The following HMGA2 variants were observed in gnomAD, a reference collection of about 807,000 sequenced individuals.
The protein encoded by HMGA2 is high mobility group AT-hook 2.
HMGA2 carries 8 observed loss-of-function variants against 19.1 expected under a neutral mutation model. That is an observed-to-expected ratio of 0.42 (90% CI 0.25 to 0.76). HMGA2 has a LOEUF of 0.76. Ranked by LOEUF, HMGA2 falls within the 30% of genes least tolerant of loss-of-function variation. The pLI, the probability that HMGA2 is intolerant of heterozygous loss-of-function variation, is 0.28. For missense variants in HMGA2, 109 were observed against 136.3 expected (o/e 0.80, Z 1.00); for synonymous variants, 60 against 48.8 (o/e 1.23, Z -0.96).
At chr12:65,908,320 G>A (rs182390669) in intron 3 of HMGA2, among the ~76,000 whole-genome samples, 2 of 152,122 alleles carry the variant, frequency 1.3e-5, no homozygotes, top group East Asian at 1.9e-4. Context: ...TCCTTAGCTC[G>A]GCATATCTCA....
chr12:65,939,666 T>A (rs1347801983), intron 3 of HMGA2, among the ~76,000 whole-genome samples: 1 of 152,242 alleles, frequency 6.6e-6, no homozygotes, highest in East Asian at 1.9e-4. Context: ...ACATACAAGC[T>A]TTAAATGAAG....
chr12:65,832,932 A>T (rs1174137554), intron 2 of HMGA2, among the ~76,000 whole-genome samples: 2 of 151,950 alleles, frequency 1.3e-5, no homozygotes, highest in Non-Finnish European at 2.9e-5. Context: ...GAGGAGAAGA[A>T]TCTTAAACTT....
intron 3 of HMGA2, chr12:65,842,040 T>C: frequency 8.0e-7 from 1 of 1,243,978 alleles, no homozygotes; most frequent in Non-Finnish European, 1.0e-6. Flanking sequence ...AGATCTATTG[T>C]TTTTATGAGG....
At chr12:65,835,238 A>G (rs1047604231) in intron 2 of HMGA2, among the ~76,000 whole-genome samples, 1 of 152,220 alleles carries the variant, frequency 6.6e-6, no homozygotes, top group African/African-American at 2.4e-5. Flanking sequence ...TTGAAAAATA[A>G]TATCCTGAAG....
intron 3 of HMGA2, among the ~76,000 whole-genome samples, chr12:65,878,271 TG>T (rs1242015520): frequency 2.6e-5 from 4 of 152,240 alleles, no homozygotes; most frequent in African/African-American, 9.6e-5. Context: ...ACTTTCCAAG[TG>T]GTCCCTGTAA....
At chr12:65,849,811 C>T (rs1221533222) in intron 3 of HMGA2, among the ~76,000 whole-genome samples, 1 of 147,768 alleles carries the variant, frequency 6.8e-6, no homozygotes, top group African/African-American at 2.6e-5. Context: ...CTCCGCCTCC[C>T]GGGTTCAGGC....
At position 65,824,653 on chromosome 12, in the gene HMGA2, C is replaced by T; in HGVS notation, c.-618C>T. Reference sequence around the variant, plus strand: ...TGCTCCGTGCCCGACCCTATCCCGGCGGAGTCTCCCCATCCTCCTTTGCTT... The same window carrying T: ...TGCTCCGTGCCCGACCCTATCCCGGTGGAGTCTCCCCATCCTCCTTTGCTT... On this transcript the variant is annotated 5_prime_UTR_variant, in exon 1 of 5. Coordinates refer to ENST00000403681, the MANE Select transcript of HMGA2 (RefSeq NM_003483.6). 4.3e-6 allele frequency: 1 copy of T among 232,296 alleles called. No individual in the cohort carries two copies. The highest frequency in any genetic ancestry group is 6.1e-5 in the East Asian group (1 of 16,368). The allele number at this position is 232,296 out of a possible 1,614,324, so 14.4% of individuals were successfully genotyped here. A position where few individuals can be genotyped will look rare whatever the true frequency, so the allele number is the denominator to read the frequency against.
intron 4 of HMGA2, 127 bp downstream of exon 4, chr12:65,951,542 T>C: frequency 1.5e-6 from 1 of 677,460 alleles, no homozygotes; most frequent in Non-Finnish European, 2.6e-6. Flanking sequence ...GCAGTATTCC[T>C]GAAAATGTGT....
intron 4 of HMGA2, among the ~76,000 whole-genome samples, chr12:65,959,612 G>A (rs1429971772): frequency 2.0e-5 from 3 of 152,238 alleles, no homozygotes; most frequent in Admixed American, 2.0e-4. Context: ...ACTTTGAAAA[G>A]TCCTTTCATC....
chr12:65,934,645 T>TTTTGTTCTGATGCTTACA (rs1354637431), intron 3 of HMGA2: 2 of 152,202 alleles, frequency 1.3e-5, no homozygotes, highest in African/African-American at 4.8e-5. Flanking sequence ...ACTGAGGCAC[T>TTTTGTTCTGATGCTTACA]TTTGTTCTGA....
intron 3 of HMGA2, among the ~76,000 whole-genome samples, chr12:65,854,936 G>A (rs1317946012): frequency 6.6e-6 from 1 of 152,146 alleles, no homozygotes; most frequent in Non-Finnish European, 1.5e-5. Flanking sequence ...GGCTGGCCCT[G>A]GCAAAATCAT....
At chr12:65,929,184 G>A (rs1875620499) in intron 3 of HMGA2, among the ~76,000 whole-genome samples, 1 of 152,004 alleles carries the variant, frequency 6.6e-6, no homozygotes, top group Non-Finnish European at 1.5e-5. Context: ...ACTGTTCTCT[G>A]GCCAAAGTTT....
Position 65,824,620 on chromosome 12 carries a change from T to C in HMGA2, c.-651T>C. The C allele has an allele frequency of 4.3e-6, 1 of 233,368 alleles. No individual in the cohort carries two copies. Among genetic ancestry groups the C allele is most frequent in the Non-Finnish European group, 8.4e-6 (1 of 118,528 alleles). The allele number at this position is 233,368 out of a possible 1,614,324, so 14.5% of individuals were successfully genotyped here. A position where few individuals can be genotyped will look rare whatever the true frequency, so the allele number is the denominator to read the frequency against. ...CGCGGTGCCACCCACTACTCTGTCCTCTGCCTGTGCTCCGTGCCCGACCCT... is the reference window on the plus strand; with the variant it reads ...CGCGGTGCCACCCACTACTCTGTCCCCTGCCTGTGCTCCGTGCCCGACCCT... On this transcript the variant is annotated 5_prime_UTR_variant, in exon 1 of 5. Transcript: ENST00000403681.
intron 3 of HMGA2, among the ~76,000 whole-genome samples, chr12:65,870,917 C>T (rs1872679022): frequency 6.6e-6 from 1 of 152,194 alleles, no homozygotes; most frequent in South Asian, 2.1e-4. Context: ...GGACAGTGAA[C>T]CTAAACGCTT....
chr12:65,851,139 T>G (rs1871443524), intron 3 of HMGA2, among the ~76,000 whole-genome samples: 1 of 152,226 alleles, frequency 6.6e-6, no homozygotes, highest in Admixed American at 6.5e-5. Flanking sequence ...GAGACTAAAT[T>G]TCTTCTTTTG....
At chr12:65,854,386 C>G (rs951149962) in intron 3 of HMGA2, among the ~76,000 whole-genome samples, 1 of 152,138 alleles carries the variant, frequency 6.6e-6, no homozygotes, top group Non-Finnish European at 1.5e-5. Context: ...GACCAGTTTT[C>G]CCCTAATGCT....
chr12:65,950,810 A>C (rs918040812), intron 3 of HMGA2, among the ~76,000 whole-genome samples: 4 of 152,264 alleles, frequency 2.6e-5, no homozygotes, highest in African/African-American at 9.6e-5. Flanking sequence ...AAAGTGAATC[A>C]AACAGTTAAG....
Position 65,824,737 on chromosome 12 carries a change from C to G in HMGA2, c.-534C>G, listed in dbSNP as rs7965172. 7,763 of 203,094 alleles carry G rather than the reference C, an allele frequency of 0.038. 332 individuals are homozygous for G. Among genetic ancestry groups the G allele is most frequent in the African/African-American group, 0.16 (4,686 of 29,262 alleles). 12.6% of individuals were successfully genotyped at this position (203,094 alleles called of 1,614,324 possible). ...CTTCTCTCTCTCTCTCTCTCTCTCT[C>G]TCTCTCTCTCTCTCTCTCTCTCTCT... On this transcript the variant is annotated 5_prime_UTR_variant, in exon 1 of 5. Coordinates refer to ENST00000403681, the MANE Select transcript of HMGA2 (RefSeq NM_003483.6).
At position 65,965,567 on chromosome 12, in the gene HMGA2, G is replaced by T. The variant is rs1378896545; in HGVS notation, c.*2275G>T. On this transcript the variant is annotated 3_prime_UTR_variant, in exon 5 of 5. Coordinates refer to ENST00000403681, the MANE Select transcript of HMGA2 (RefSeq NM_003483.6). ...CGCTCACTGTTGTGAATCACCAAAG[G>T]AGCTATGGAGAGAATTAAAACTCAA... The T allele has an allele frequency of 9.4e-6, 2 of 212,224 alleles. No individual in the cohort carries two copies. The highest frequency in any genetic ancestry group is 1.9e-5 in the Non-Finnish European group (2 of 104,476). 13.1% of individuals were successfully genotyped at this position (212,224 alleles called of 1,614,324 possible). A position where few individuals can be genotyped will look rare whatever the true frequency, so the allele number is the denominator to read the frequency against.
Sources: gnomAD v4.1 joint callset for allele counts (sites outside exome capture counted in the v4.1 genomes callset) on GRCh38, gnomAD v4.1.1 for gene constraint, MANE v1.5 for transcripts, NCBI Gene and HGNC (gene_info 2026-07-23, HGNC 2026-07-21) for gene names.